TTC28: variants seen among roughly 807,000 people sequenced by gnomAD.
TTC28 encodes the protein tetratricopeptide repeat domain 28.
In TTC28, 61 loss-of-function variants were observed where a neutral mutation model predicts 198.0. The observed-to-expected ratio is 0.31, with a 90% CI of 0.25 to 0.38. The LOEUF is 0.38. Among genes scored for constraint, TTC28 ranks in the 10% least tolerant of loss-of-function variants. The pLI is 1.00. For synonymous variants in TTC28, 1,171 were observed against 1,297.8 expected (o/e 0.90, Z 2.10); for missense variants, 2,678 against 3,164.0 (o/e 0.85, Z 3.69).
chr22:28,075,191 T>C (rs1312545151), intron 12 of TTC28, among the ~76,000 whole-genome samples: 1 of 152,112 alleles, frequency 6.6e-6, no homozygotes, highest in African/African-American at 2.4e-5. Flanking sequence ...AGAAGACCAA[T>C]TATAGTTATC....
chr22:28,409,838 G>T (rs1277620628), intron 2 of TTC28, among the ~76,000 whole-genome samples: 1 of 151,354 alleles, frequency 6.6e-6, no homozygotes, highest in African/African-American at 2.4e-5. Flanking sequence ...TTGGATTTTT[G>T]CTAGAGATGG....
At chr22:28,209,955 A>G (rs1926774436) in intron 5 of TTC28, among the ~76,000 whole-genome samples, 1 of 152,220 alleles carries the variant, frequency 6.6e-6, no homozygotes, top group African/African-American at 2.4e-5. Flanking sequence ...AGGAAGGATC[A>G]GGCAGCAACA....
At chr22:28,034,140 GCCA>G (rs1326845943) in intron 12 of TTC28, among the ~76,000 whole-genome samples, 1 of 152,126 alleles carries the variant, frequency 6.6e-6, no homozygotes, top group African/African-American at 2.4e-5. Flanking sequence ...TACTCTGATG[GCCA>G]TGATCTGAAA....
chr22:28,633,287 AAAAAAGAAAAAG>A (rs532563718), intron 1 of TTC28, among the ~76,000 whole-genome samples: 140 of 151,756 alleles, frequency 9.2e-4, no homozygotes, highest in African/African-American at 3.2e-3. Flanking sequence ...TCTCAAAAAA[AAAAAAGAAAAAG>A]AAAAAGAAAA....
intron 2 of TTC28, among the ~76,000 whole-genome samples, chr22:28,333,072 G>T (rs1472744407): frequency 6.6e-6 from 1 of 152,050 alleles, no homozygotes; most frequent in Non-Finnish European, 1.5e-5. Flanking sequence ...CAGATCAAAA[G>T]AGGTACTTCA....
At chr22:28,451,869 A>G (rs1219578524) in intron 2 of TTC28, among the ~76,000 whole-genome samples, 2 of 152,156 alleles carry the variant, frequency 1.3e-5, no homozygotes. Context: ...AATTGGGGGA[A>G]ATTTCAGTAT....
At chr22:28,603,723 T>C (rs2050680089) in intron 2 of TTC28, among the ~76,000 whole-genome samples, 1 of 152,092 alleles carries the variant, frequency 6.6e-6, no homozygotes, top group Non-Finnish European at 1.5e-5. Flanking sequence ...TATGATTATG[T>C]AAAAACAATC....
chr22:28,599,977 A>C (rs767734148), intron 2 of TTC28, among the ~76,000 whole-genome samples: 35 of 152,212 alleles, frequency 2.3e-4, no homozygotes, highest in Non-Finnish European at 4.1e-4. Context: ...TTCAACAAAT[A>C]TTTATTGAAG....
chr22:28,032,267 AGTGTGT>A (rs370005298), intron 12 of TTC28, among the ~76,000 whole-genome samples: 1,339 of 78,538 alleles, frequency 0.017, 56 homozygotes, highest in South Asian at 0.023. Flanking sequence ...ATATATATAT[AGTGTGT>A]GTGTGTGTGT....
chr22:28,584,835 A>T (rs2050290085), intron 2 of TTC28, among the ~76,000 whole-genome samples: 1 of 152,194 alleles, frequency 6.6e-6, no homozygotes, highest in African/African-American at 2.4e-5. Context: ...AATGATTTTA[A>T]GGGTTGGAAA....
At chr22:28,436,989 G>A (rs929623725) in intron 2 of TTC28, among the ~76,000 whole-genome samples, 1 of 152,204 alleles carries the variant, frequency 6.6e-6, no homozygotes, top group Non-Finnish European at 1.5e-5. Context: ...AACAGTGAGT[G>A]GGCACCACTA....
chr22:28,040,820 T>G (rs997240441), intron 12 of TTC28, among the ~76,000 whole-genome samples: 2 of 152,190 alleles, frequency 1.3e-5, no homozygotes, highest in African/African-American at 4.8e-5. Context: ...ATGACATGAT[T>G]GTATATTTAG....
intron 2 of TTC28, among the ~76,000 whole-genome samples, chr22:28,335,918 G>T (rs1463192513): frequency 6.6e-6 from 1 of 152,292 alleles, no homozygotes; most frequent in Admixed American, 6.5e-5. Flanking sequence ...TCTTGTGCCA[G>T]TTTTCAAAGG....
chr22:28,325,287 T>C (rs917207288), intron 2 of TTC28, among the ~76,000 whole-genome samples: 1 of 152,222 alleles, frequency 6.6e-6, no homozygotes, highest in Non-Finnish European at 1.5e-5. Context: ...TATTCTCTGA[T>C]GGAAGTGTGT....
chr22:27,982,216 A>ATGCTT lies in TTC28; in HGVS notation c.7446_*4dup. The ATGCTT allele has an allele frequency of 1.4e-6, 2 of 1,463,470 alleles. No homozygotes were observed. Among genetic ancestry groups the ATGCTT allele is most frequent in the South Asian group, 1.5e-5 (1 of 68,560 alleles). The allele number at this position is 1,463,470 out of a possible 1,614,324, so 90.7% of individuals were successfully genotyped here. On this transcript the variant is annotated 3_prime_UTR_variant, in exon 23 of 23. Transcript: ENST00000397906. This position sits in a 1 kb window ranked among gnomAD's most constrained non-coding sequence, Gnocchi z 5.2. ...TGCTCAGAGTCAGTGGGTATAAAAG[A>ATGCTT]TGCTTTAGCATTTGGAAGAAGGGAA...
At chr22:28,183,775 C>T (rs1335999708) in intron 5 of TTC28, among the ~76,000 whole-genome samples, 1 of 151,992 alleles carries the variant, frequency 6.6e-6, no homozygotes, top group African/African-American at 2.4e-5. Context: ...TATCTATATG[C>T]AGGATCTATT....
intron 6 of TTC28, among the ~76,000 whole-genome samples, chr22:28,150,828 C>G (rs1733181170): frequency 6.6e-6 from 1 of 152,234 alleles, no homozygotes; most frequent in African/African-American, 2.4e-5. Context: ...CCAGGCAGCA[C>G]TGCTCACAAA....
chr22:28,090,160 T>G (rs1016710244), intron 12 of TTC28, among the ~76,000 whole-genome samples: 1 of 151,932 alleles, frequency 6.6e-6, no homozygotes, highest in Non-Finnish European at 1.5e-5. Flanking sequence ...AAAAAAAAGT[T>G]AAAAATAAGG....
intron 2 of TTC28, among the ~76,000 whole-genome samples, chr22:28,343,936 C>T (rs964272637): frequency 1.3e-5 from 2 of 152,096 alleles, no homozygotes; most frequent in African/African-American, 2.4e-5. Flanking sequence ...ATCAAATATA[C>T]GCTATTGTTT....
Sources: allele counts gnomAD v4.1 joint callset (sites outside exome capture counted in the v4.1 genomes callset), GRCh38; gene constraint gnomAD v4.1.1; non-coding constraint Gnocchi (gnomAD v3.1); transcripts MANE v1.5; gene names NCBI Gene and HGNC (gene_info 2026-07-23, HGNC 2026-07-21).